The following METAP1D variants were observed in gnomAD, a reference collection of about 807,000 sequenced individuals.
METAP1D encodes the protein methionyl aminopeptidase type 1D, mitochondrial, also known as methionine aminopeptidase 1D, mitochondrial.
A neutral mutation model predicts 40.5 loss-of-function variants in METAP1D; 31 were observed. The observed-to-expected ratio is 0.77, with a 90% CI of 0.58 to 1.03. The LOEUF (loss-of-function observed/expected upper bound fraction) is 1.03. Among genes scored for constraint, METAP1D ranks in the 50% least tolerant of loss-of-function variants. METAP1D has a pLI of 0.00. For missense variants in METAP1D, 411 were observed against 420.7 expected, an observed-to-expected ratio of 0.98 and a Z score of 0.20; for synonymous variants, 151 against 146.4, an observed-to-expected ratio of 1.03 and a Z score of -0.22.
At chr2:172,031,084 G>T (rs1029532154) in intron 1 of METAP1D, among the ~76,000 whole-genome samples, 3 of 152,114 alleles carry the variant, frequency 2.0e-5, no homozygotes, top group African/African-American at 7.2e-5. Context: ...TATAAAACAG[G>T]TTATTATTAA....
At chr2:172,055,278 T>C (rs904308331) in intron 1 of METAP1D, among the ~76,000 whole-genome samples, 13 of 42,154 alleles carry the variant, frequency 3.1e-4, no homozygotes, top group African/African-American at 7.2e-4. Flanking sequence ...TGTTGTAACA[T>C]TGGTGGTAGC....
intron 6 of METAP1D, among the ~76,000 whole-genome samples, chr2:172,076,954 A>C (rs1218549012): frequency 6.6e-6 from 1 of 152,216 alleles, no homozygotes; most frequent in Non-Finnish European, 1.5e-5. Context: ...GATTTCAAGG[A>C]CTACTTTTCA....
At chr2:172,061,399 A>G (rs1574135416) in intron 1 of METAP1D, 99 bp from the exon 2 acceptor site, 1 of 1,060,966 alleles carries the variant, frequency 9.4e-7, no homozygotes, top group Non-Finnish European at 1.3e-6. Flanking sequence ...TCAATAAGGT[A>G]TTAGAATAAT....
At chr2:172,009,499 T>G (rs934734273) in intron 1 of METAP1D, among the ~76,000 whole-genome samples, 1 of 152,190 alleles carries the variant, frequency 6.6e-6, no homozygotes, top group African/African-American at 2.4e-5. Flanking sequence ...TATATGGGTT[T>G]ATTTTTAATT....
In METAP1D at chr2:172,042,771, A is replaced by ATATGTACACATATACGTGTGTGTGTG. The variant is rs1689617125; in HGVS notation, c.41-18723_41-18698dup. 1.1e-4 allele frequency among the ~76,000 whole-genome samples: 4 copies of ATATGTACACATATACGTGTGTGTGTG among 36,884 alleles called. 2 individuals are homozygous for ATATGTACACATATACGTGTGTGTGTG. Among genetic ancestry groups the ATATGTACACATATACGTGTGTGTGTG allele is most frequent in the Non-Finnish European group, 2.0e-4 (4 of 19,554 alleles). 24.2% of individuals were successfully genotyped at this position (36,884 alleles called of 152,430 possible). On this transcript the variant is annotated intron_variant, in intron 1 of 9. Transcript: ENST00000315796. The stretch of plus-strand genomic sequence containing the variant: ...TATGTACACATATACGTGTGTGTGT[A>ATATGTACACATATACGTGTGTGTGTG]TATGTACACATATACGTGTGTGTGT...
chr2:172,060,010 C>T (rs1157957517), intron 1 of METAP1D, among the ~76,000 whole-genome samples: 1 of 151,902 alleles, frequency 6.6e-6, no homozygotes, highest in Non-Finnish European at 1.5e-5. Flanking sequence ...AAGATCGCGC[C>T]ACTGTACTCC....
At position 172,043,221 on chromosome 2, in the gene METAP1D, C is replaced by T. The variant is rs1358547442; in HGVS notation, c.41-18277C>T. 1.5e-5 allele frequency among the ~76,000 whole-genome samples: 2 copies of T among 131,106 alleles called. 1 individual carries two copies. Among genetic ancestry groups the T allele is most frequent in the Non-Finnish European group, 3.5e-5 (2 of 56,496 alleles). The allele number at this position is 131,106 out of a possible 152,430, so 86.0% of individuals were successfully genotyped here. On this transcript the variant is annotated intron_variant, in intron 1 of 9. Coordinates refer to ENST00000315796, the MANE Select transcript of METAP1D (RefSeq NM_199227.3). ...CCTCCCAAGTAGCTGGGATTATAGG[C>T]ACCCAGCTATGAGAAATATTTTAAA... is the stretch of plus-strand genomic sequence containing the variant.
At chr2:172,071,849 T>A (rs1690428165) in intron 6 of METAP1D, among the ~76,000 whole-genome samples, 1 of 152,200 alleles carries the variant, frequency 6.6e-6, no homozygotes, top group Non-Finnish European at 1.5e-5. Flanking sequence ...CATTGAATAC[T>A]TCCCATTTGT....
chr2:172,059,271 G>A (rs1690076436), intron 1 of METAP1D, among the ~76,000 whole-genome samples: 1 of 152,032 alleles, frequency 6.6e-6, no homozygotes, highest in South Asian at 2.1e-4. Context: ...ACCATGCCCG[G>A]CTAATTTTTG....
chr2:172,063,456 T>C (rs1017801550), intron 2 of METAP1D, among the ~76,000 whole-genome samples: 4 of 152,184 alleles, frequency 2.6e-5, no homozygotes, highest in Admixed American at 1.3e-4. Flanking sequence ...ACCAGAAGTC[T>C]ACTTCAGTCC....
chr2:172,068,469 C>T (rs954248641), intron 5 of METAP1D, among the ~76,000 whole-genome samples: 1 of 151,760 alleles, frequency 6.6e-6, no homozygotes, highest in Non-Finnish European at 1.5e-5. Flanking sequence ...ATGACTGCCA[C>T]AGACTTTCAA....
At chr2:172,036,215 G>A (rs1473656957) in intron 1 of METAP1D, among the ~76,000 whole-genome samples, 3 of 150,332 alleles carry the variant, frequency 2.0e-5, no homozygotes. Context: ...TACTTGGGAG[G>A]CTGAGGCAGG....
chr2:172,023,016 G>A lies in METAP1D; in HGVS notation c.40+23007G>A, dbSNP rs555211986. Among the ~76,000 whole-genome samples the A allele has an allele frequency of 1.1e-4, 17 of 152,160 alleles. No individual in the cohort carries two copies. The South Asian group carries it at 2.9e-3, about 26-fold the overall frequency. On this transcript the variant is annotated intron_variant, in intron 1 of 9. Transcript: ENST00000315796. ...AGCCTGACCAACATGGAGAAACCTC[G>A]TCTCTACTAAAAATACAAAAAATTA... is the stretch of plus-strand genomic sequence containing the variant.
intron 1 of METAP1D, among the ~76,000 whole-genome samples, chr2:172,028,423 GT>G (rs1029323709): frequency 1.2e-4 from 19 of 152,208 alleles, no homozygotes; most frequent in Admixed American, 3.3e-4. Context: ...ATAATGGGAA[GT>G]TGAAACTATG....
intron 1 of METAP1D, among the ~76,000 whole-genome samples, chr2:172,045,481 A>T (rs1417382489): frequency 2.3e-5 from 2 of 88,804 alleles, no homozygotes; most frequent in Non-Finnish European, 6.3e-5. Context: ...ACCAACATGG[A>T]GAAACCCCGT....
At chr2:172,045,813 G>GTA (rs1343452255) in intron 1 of METAP1D, among the ~76,000 whole-genome samples, 166 of 39,296 alleles carry the variant, frequency 4.2e-3, no homozygotes, top group East Asian at 0.011. Flanking sequence ...GTGTGTGTGT[G>GTA]TGTGTGTATA....
At chr2:172,006,664 A>G (rs1688593931) in intron 1 of METAP1D, among the ~76,000 whole-genome samples, 1 of 152,106 alleles carries the variant, frequency 6.6e-6, no homozygotes, top group Non-Finnish European at 1.5e-5. Context: ...ACGGAGACTG[A>G]ATTTTCTTTT....
At chr2:172,032,747 C>T (rs532668637) in intron 1 of METAP1D, among the ~76,000 whole-genome samples, 2 of 152,246 alleles carry the variant, frequency 1.3e-5, no homozygotes, top group South Asian at 4.1e-4. Flanking sequence ...CACCACTGTC[C>T]ATTAAATATT....
intron 1 of METAP1D, among the ~76,000 whole-genome samples, chr2:172,022,533 C>T (rs1689031289): frequency 6.6e-6 from 1 of 152,120 alleles, no homozygotes; most frequent in Admixed American, 6.6e-5. Context: ...TGATAGTTTT[C>T]AGATATCCTA....
Sources: allele counts gnomAD v4.1 joint callset (sites outside exome capture counted in the v4.1 genomes callset), GRCh38; gene constraint gnomAD v4.1.1; transcripts MANE v1.5; gene names NCBI Gene and HGNC (gene_info 2026-07-23, HGNC 2026-07-21).